The following WDPCP variants were observed in gnomAD, a reference collection of about 807,000 sequenced individuals.
WDPCP encodes WD repeat containing planar cell polarity effector.
A neutral mutation model predicts 93.1 loss-of-function variants in WDPCP; 71 were observed. The ratio of observed to expected loss-of-function variants is 0.76; its 90% CI spans 0.63 to 0.93. WDPCP has a LOEUF of 0.93. WDPCP is among the 40% of genes least tolerant of loss of function. The pLI, the probability that WDPCP is intolerant of heterozygous loss-of-function variation, is 0.00. For missense variants in WDPCP, 844 were observed against 887.4 expected, an observed-to-expected ratio of 0.95 and a Z score of 0.62; for synonymous variants, 315 against 315.0, an observed-to-expected ratio of 1.00 and a Z score of 0.00.
intron 3 of WDPCP, among the ~76,000 whole-genome samples, chr2:63,600,671 T>A (rs1198280421): frequency 6.6e-6 from 1 of 152,220 alleles, no homozygotes; most frequent in East Asian, 1.9e-4. Context: ...TAAACATTCC[T>A]AATTTAGAGG....
intron 6 of WDPCP, among the ~76,000 whole-genome samples, chr2:63,470,981 G>A (rs1011251539): frequency 6.6e-6 from 1 of 152,084 alleles, no homozygotes; most frequent in Admixed American, 6.5e-5. Flanking sequence ...ATCTCAATCT[G>A]GGGATACTTC....
At chr2:63,483,449 G>A (rs542846240) in intron 6 of WDPCP, among the ~76,000 whole-genome samples, 135 of 58,690 alleles carry the variant, frequency 2.3e-3, no homozygotes, top group Non-Finnish European at 1.0e-3. Flanking sequence ...CCTTGTAAAC[G>A]ACCTCTGAAA....
At chr2:63,798,788 T>C (rs1670649516) in intron 2 of WDPCP, among the ~76,000 whole-genome samples, 1 of 152,086 alleles carries the variant, frequency 6.6e-6, no homozygotes, top group Non-Finnish European at 1.5e-5. Context: ...AGTGGCTGAA[T>C]GGATTAAAAA....
intron 12 of WDPCP, among the ~76,000 whole-genome samples, chr2:63,370,207 A>G (rs1691266690): frequency 6.6e-6 from 1 of 152,160 alleles, no homozygotes; most frequent in African/African-American, 2.4e-5. Flanking sequence ...GAGCCCTTAT[A>G]CCCATGGTAT....
chr2:63,339,806 C>T (rs1251044252), intron 12 of WDPCP, among the ~76,000 whole-genome samples: 3 of 152,098 alleles, frequency 2.0e-5, no homozygotes, highest in Non-Finnish European at 4.4e-5. Context: ...TTTCCCCATT[C>T]AGTATGATTT....
chr2:63,393,201 C>T (rs184359101), intron 10 of WDPCP, among the ~76,000 whole-genome samples: 9 of 152,066 alleles, frequency 5.9e-5, no homozygotes, highest in African/African-American at 1.7e-4. Flanking sequence ...AATACTATGC[C>T]GCCATAAAAA....
intron 14 of WDPCP, among the ~76,000 whole-genome samples, chr2:63,175,535 ATC>A (rs1276555328): frequency 2.0e-4 from 31 of 152,188 alleles, no homozygotes; most frequent in Admixed American, 2.0e-3. Context: ...TGTGAAGCAA[ATC>A]TCCAGAACTT....
intron 13 of WDPCP, among the ~76,000 whole-genome samples, chr2:63,296,994 G>A (rs1445478872): frequency 6.6e-6 from 1 of 152,142 alleles, no homozygotes; most frequent in Non-Finnish European, 1.5e-5. Context: ...GCAATCCTAA[G>A]GAAAAAGAAT....
At chr2:63,459,306 C>T (rs1698846644) in intron 6 of WDPCP, among the ~76,000 whole-genome samples, 1 of 151,914 alleles carries the variant, frequency 6.6e-6, no homozygotes, top group Non-Finnish European at 1.5e-5. Context: ...AAAATGTTTG[C>T]AAATTACTCA....
At chr2:63,745,998 G>A (rs537091426) in intron 2 of WDPCP, among the ~76,000 whole-genome samples, 1 of 152,228 alleles carries the variant, frequency 6.6e-6, no homozygotes, top group East Asian at 1.9e-4. Context: ...CACTAATGAA[G>A]GTGAGCATGT....
chr2:63,584,933 TTAAC>T (rs1005777209), intron 1 of WDPCP, among the ~76,000 whole-genome samples: 3 of 152,188 alleles, frequency 2.0e-5, no homozygotes, highest in Non-Finnish European at 4.4e-5. Context: ...TTTATCTTGT[TTAAC>T]TAAAGTTAAA....
At chr2:63,756,918 A>C (rs960418337) in intron 2 of WDPCP, among the ~76,000 whole-genome samples, 4 of 152,182 alleles carry the variant, frequency 2.6e-5, no homozygotes, top group African/African-American at 9.6e-5. Flanking sequence ...TTATCACTAC[A>C]CTGTGCTCAT....
At chr2:63,526,962 G>A (rs1305641678) in intron 1 of WDPCP, among the ~76,000 whole-genome samples, 1 of 152,054 alleles carries the variant, frequency 6.6e-6, no homozygotes, top group Non-Finnish European at 1.5e-5. Flanking sequence ...CGGAGATTAG[G>A]GAAAAGAACA....
intron 14 of WDPCP, among the ~76,000 whole-genome samples, chr2:63,181,147 C>T (rs1247744768): frequency 1.3e-5 from 2 of 152,050 alleles, no homozygotes; most frequent in Non-Finnish European, 2.9e-5. Flanking sequence ...TCCCATTCTA[C>T]ACATTGTCTG....
chr2:63,737,512 A>C (rs1669654778), intron 2 of WDPCP, among the ~76,000 whole-genome samples: 1 of 152,214 alleles, frequency 6.6e-6, no homozygotes, highest in Middle Eastern at 3.2e-3. Context: ...CCTGAGTGGC[A>C]GACATCATGT....
intron 12 of WDPCP, among the ~76,000 whole-genome samples, chr2:63,342,359 A>T (rs13034725): frequency 0.55 from 84,101 of 152,024 alleles, 23,590 homozygotes; most frequent in Admixed American, 0.63. Context: ...TATCAAATTT[A>T]ATCTATTTAC....
At chr2:63,128,964 G>A (rs187713328) in intron 17 of WDPCP, among the ~76,000 whole-genome samples, 184 of 152,260 alleles carry the variant, frequency 1.2e-3, no homozygotes, top group African/African-American at 4.1e-3. Flanking sequence ...CACTGTGCAC[G>A]GTGTTCTACT....
intron 2 of WDPCP, among the ~76,000 whole-genome samples, chr2:63,785,551 T>A (rs757806875): frequency 3.3e-5 from 5 of 152,176 alleles, no homozygotes; most frequent in Non-Finnish European, 7.4e-5. Context: ...ATTTTTTCCC[T>A]AGAGGGCCAT....
rs1409401331 is a variant in WDPCP, at chr2:63,160,701, C to T, written c.2079-7127G>A. 3.3e-5 allele frequency among the ~76,000 whole-genome samples: 5 copies of T among 152,092 alleles called. No homozygotes were observed. In the East Asian group the frequency reaches 7.7e-4, roughly 23 times the overall value. On this transcript the variant is annotated intron_variant, in intron 15 of 17. Coordinates refer to ENST00000272321, the MANE Select transcript of WDPCP (RefSeq NM_015910.7). Reference sequence around the variant, plus strand: ...ATAGAAGTACTCAAACTTATAAATGCAGAAGGAGTTACAAAATTAGAAAAT... The same window carrying T: ...ATAGAAGTACTCAAACTTATAAATGTAGAAGGAGTTACAAAATTAGAAAAT...
Sources: allele counts gnomAD v4.1 joint callset (sites outside exome capture counted in the v4.1 genomes callset), GRCh38; gene constraint gnomAD v4.1.1; transcripts MANE v1.5; gene names NCBI Gene and HGNC (gene_info 2026-07-23, HGNC 2026-07-21).